The following CCDC141 variants were observed in gnomAD, a reference collection of about 807,000 sequenced individuals.
CCDC141 encodes the protein coiled-coil domain containing 141, also known as coiled-coil domain-containing protein 141.
A neutral mutation model predicts 181.0 loss-of-function variants in CCDC141; 168 were observed. That is an observed-to-expected ratio of 0.93 (90% CI 0.82 to 1.05). CCDC141 has a LOEUF of 1.05. Ranked by LOEUF, CCDC141 falls within the 50% of genes least tolerant of loss-of-function variation. The probability of loss-of-function intolerance (pLI) is 0.00; values close to 1 mark genes in which losing one functional copy is unlikely to be tolerated. For synonymous variants in CCDC141, 666 were observed against 642.3 expected, an observed-to-expected ratio of 1.04 and a Z score of -0.56; for missense variants, 1,902 against 1,788.5, an observed-to-expected ratio of 1.06 and a Z score of -1.14.
chr2:178,956,467 G>A (rs1690166471), intron 5 of CCDC141, among the ~76,000 whole-genome samples: 2 of 151,570 alleles, frequency 1.3e-5, no homozygotes, highest in Admixed American at 1.3e-4. Context: ...TGGCTAATTT[G>A]TGCATGTGTG....
In CCDC141 at chr2:179,001,251, C is replaced by T. The variant is rs1380866383; in HGVS notation, c.226-22576G>A. On this transcript the variant is annotated intron_variant, in intron 2 of 23. Transcript: ENST00000443758. The stretch of plus-strand genomic sequence containing the variant: ...AATTTGAGATTATTTTAGATACTTA[C>T]GCATCTCTCACAGTATATTTGTGAA... Among the ~76,000 whole-genome samples the T allele has an allele frequency of 1.4e-4, 21 of 152,246 alleles. No individual in the cohort carries two copies. In the East Asian group the frequency reaches 2.3e-3, roughly 17 times the overall value.
intron 16 of CCDC141, 114 bp from the exon 17 acceptor site, chr2:178,866,030 G>A: frequency 1.2e-6 from 1 of 818,588 alleles, no homozygotes. Context: ...AAAAGAAATA[G>A]GTTCCTGATT....
chr2:179,031,885 G>A (rs762206163), intron 2 of CCDC141, among the ~76,000 whole-genome samples: 3 of 152,076 alleles, frequency 2.0e-5, no homozygotes, highest in Admixed American at 6.6e-5. Context: ...CTTAGGATGG[G>A]TTTTGAGTTG....
chr2:178,837,053 C>G lies in CCDC141; in HGVS notation c.4166G>C (p.Arg1389Pro), dbSNP rs368802405. The change falls in exon 23 of 24, where the codon CGA becomes CCA. Residue 1389 changes from arginine to proline, a missense_variant. Transcript: ENST00000443758. ...TGCTGATGTGCTTTTAATCTCTTCT[C>G]GAGGAACCATTTGCCTCTGATAGCC... ...SRGYQRQMVP[R>P]EEIKSTSAKS... The G allele has an allele frequency of 1.1e-5, 18 of 1,613,852 alleles. No individual in the cohort carries two copies. In the African/African-American group the frequency reaches 1.9e-4, roughly 17 times the overall value.
At chr2:179,037,839 A>C (rs971354655) in intron 2 of CCDC141, among the ~76,000 whole-genome samples, 13 of 152,250 alleles carry the variant, frequency 8.5e-5, no homozygotes, top group South Asian at 6.2e-4. Flanking sequence ...CTTTTTAAAA[A>C]AGAAACAAAC....
chr2:178,983,362 G>T (rs1412101137), intron 2 of CCDC141, among the ~76,000 whole-genome samples: 1 of 152,170 alleles, frequency 6.6e-6, no homozygotes, highest in African/African-American at 2.4e-5. Flanking sequence ...ACGAAGAGGG[G>T]GAAAAAACAG....
chr2:178,933,070 A>T (rs1404206134), intron 6 of CCDC141, among the ~76,000 whole-genome samples: 4 of 152,222 alleles, frequency 2.6e-5, no homozygotes, highest in African/African-American at 9.6e-5. Context: ...AGTAACAACT[A>T]GAAAATATTT....
In CCDC141 at chr2:179,027,646, C is replaced by CAAAAAAAAA. The variant is rs71023466; in HGVS notation, c.225+19629_225+19637dup. ...GGCAACAGAGTGAGACTCTTACTCT[C>CAAAAAAAAA]AAAAAAAAAAAAAAAAAAAAAAAAA... On this transcript the variant is annotated intron_variant, in intron 2 of 23. Transcript: ENST00000443758. Among the ~76,000 whole-genome samples, 39 of 53,272 alleles carry CAAAAAAAAA rather than the reference C, an allele frequency of 7.3e-4. 3 individuals are homozygous for CAAAAAAAAA. Among genetic ancestry groups the CAAAAAAAAA allele is most frequent in the African/African-American group, 2.7e-3 (39 of 14,460 alleles). The allele number at this position is 53,272 out of a possible 152,430, so 34.9% of individuals were successfully genotyped here.
intron 19 of CCDC141, among the ~76,000 whole-genome samples, chr2:178,854,037 T>A (rs1311105776): frequency 6.6e-6 from 1 of 152,186 alleles, no homozygotes; most frequent in African/African-American, 2.4e-5. Context: ...CAATCCAGCA[T>A]AAAGAATTGA....
In CCDC141 at chr2:178,837,666, T is replaced by G. The variant is rs1487943846; in HGVS notation, c.3553A>C (p.Thr1185Pro). The stretch of plus-strand genomic sequence containing the variant: ...TCCTGGACGCCACCCTCCTTGTCAG[T>G]GGACACCTTCAGGTCTTGTGGTAGT... ...ERLPQDLKVS[T>P]DKEGGVQDLL... is the part of the protein sequence containing the mutation. The change falls in exon 23 of 24, where the codon ACT (threonine) becomes CCT (proline). Residue 1185 changes from threonine (T) to proline (P), a missense_variant. By Grantham distance (38) the Thr-to-Pro change is conservative. Transcript: ENST00000443758. The G allele has an allele frequency of 2.5e-6, 4 of 1,613,950 alleles. No homozygotes were observed. The African/African-American group carries it at 5.3e-5, about 22-fold the overall frequency.
chr2:178,932,170 C>T (rs1034327343), intron 6 of CCDC141, among the ~76,000 whole-genome samples: 2 of 151,980 alleles, frequency 1.3e-5, no homozygotes, highest in African/African-American at 4.8e-5. Flanking sequence ...AAAACAAAAA[C>T]AAAAACAAAA....
rs1407217025 is a variant in CCDC141, at chr2:178,830,238, A to C, written c.*3935T>G. On this transcript the variant is annotated 3_prime_UTR_variant, in exon 24 of 24. Coordinates refer to ENST00000443758, the MANE Select transcript of CCDC141 (RefSeq NM_173648.4). ...GTTGGAACAATATTGATCCAGGAAC[A>C]ACAATCCTGGACCTTTCCTCTTTCC... 6.6e-6 allele frequency: 1 copy of C among 152,244 alleles called. No individual in the cohort carries two copies. Among genetic ancestry groups the C allele is most frequent in the East Asian group, 1.9e-4 (1 of 5,198 alleles). 9.4% of individuals were successfully genotyped at this position (152,244 alleles called of 1,614,324 possible).
At chr2:178,893,284 A>G (rs1669157696) in intron 8 of CCDC141, among the ~76,000 whole-genome samples, 1 of 149,664 alleles carries the variant, frequency 6.7e-6, no homozygotes, top group Admixed American at 6.7e-5. Context: ...AGACTGCTCT[A>G]TTTACTGTAT....
chr2:179,041,951 C>A (rs76483992), intron 2 of CCDC141, among the ~76,000 whole-genome samples: 1 of 152,106 alleles, frequency 6.6e-6, no homozygotes, highest in African/African-American at 2.4e-5. Flanking sequence ...TTAGATCCCC[C>A]ACACAATAGT....
chr2:178,921,843 T>C (rs1192754627), intron 6 of CCDC141, among the ~76,000 whole-genome samples: 1 of 152,228 alleles, frequency 6.6e-6, no homozygotes, highest in Non-Finnish European at 1.5e-5. Context: ...TGTTAGTTCA[T>C]TTCCTCTCTT....
chr2:178,839,295 C>G (rs2154366013), intron 22 of CCDC141, among the ~76,000 whole-genome samples: 1 of 151,980 alleles, frequency 6.6e-6, no homozygotes, highest in South Asian at 2.1e-4. Flanking sequence ...CACCTGCAGT[C>G]CCAGCTACTC....
chr2:178,869,061 T>C lies in CCDC141; in HGVS notation c.2394+56A>G. ...CTTTATTTATTATATAATAATTCAT[T>C]TTTAATTGCATAGTTTAAAACTCAG... On this transcript the variant is annotated intron_variant, in intron 15 of 23. Transcript: ENST00000443758. 3 of 1,278,316 alleles carry C rather than the reference T, an allele frequency of 2.3e-6. No homozygotes were observed. In the East Asian group the frequency reaches 7.8e-5, roughly 33 times the overall value. 79.2% of individuals were successfully genotyped at this position (1,278,316 alleles called of 1,614,324 possible).
At chr2:178,876,263 T>A (rs1254132426) in intron 12 of CCDC141, 1 of 152,310 alleles carries the variant, frequency 6.6e-6, no homozygotes, top group Non-Finnish European at 1.5e-5. Flanking sequence ...CTGTCAGTTA[T>A]CTTTGAAAAT....
intron 8 of CCDC141, 72 bp downstream of exon 8, chr2:178,905,257 A>G (rs1425416038): frequency 1.5e-6 from 2 of 1,316,554 alleles, no homozygotes; most frequent in African/African-American, 1.5e-5. Context: ...ACAATCATGC[A>G]TCTTATTTTT....
Sources: gnomAD v4.1 joint callset for allele counts (sites outside exome capture counted in the v4.1 genomes callset) on GRCh38, gnomAD v4.1.1 for gene constraint, MANE v1.5 for transcripts, NCBI Gene and HGNC (gene_info 2026-07-23, HGNC 2026-07-21) for gene names.